Variants in IL1R1 observed in about 807,000 individuals in gnomAD.
IL1R1 encodes interleukin 1 receptor type 1, also known as interleukin-1 receptor type 1.
A neutral mutation model predicts 50.2 loss-of-function variants in IL1R1; 22 were observed. The ratio of observed to expected loss-of-function variants is 0.44; its 90% CI spans 0.31 to 0.63. The LOEUF is 0.63. Among genes scored for constraint, IL1R1 ranks in the 20% least tolerant of loss-of-function variants. The pLI is 0.07. For synonymous variants in IL1R1, 251 were observed against 236.7 expected (o/e 1.06, Z -0.55); for missense variants, 509 against 676.2 (o/e 0.75, Z 2.74).
rs1478607614 is a variant in IL1R1, at chr2:102,153,991, T to G, written c.-33T>G. The G allele has an allele frequency of 1.3e-5, 2 of 152,382 alleles. No homozygotes were observed. Among genetic ancestry groups the G allele is most frequent in the Non-Finnish European group, 2.9e-5 (2 of 68,034 alleles). 9.4% of individuals were successfully genotyped at this position (152,382 alleles called of 1,614,324 possible). ...ACTCCCTCCTGAGAAGCTGGACCCC[T>G]TGGTAAAAGACAAGGCCTTCTCCAA... is the stretch of plus-strand genomic sequence containing the variant. On this transcript the variant is annotated 5_prime_UTR_variant, in exon 2 of 12. Coordinates refer to ENST00000410023, the MANE Select transcript of IL1R1 (RefSeq NM_000877.4).
chr2:102,168,710 T>TTAA, intron 7 of IL1R1, 47 bp downstream of exon 7: 3 of 1,241,120 alleles, frequency 2.4e-6, no homozygotes, highest in Non-Finnish European at 1.2e-6. Context: ...TTTTTTTTTT[T>TTAA]AAAACATAAG....
intron 1 of IL1R1, among the ~76,000 whole-genome samples, chr2:102,122,856 A>G (rs1331336457): frequency 6.6e-6 from 1 of 152,200 alleles, no homozygotes; most frequent in Non-Finnish European, 1.5e-5. Flanking sequence ...TCCATCTATA[A>G]CACATATGCA....
intron 1 of IL1R1, among the ~76,000 whole-genome samples, chr2:102,086,769 TTA>T (rs1252965823): frequency 1.3e-5 from 2 of 152,218 alleles, no homozygotes; most frequent in African/African-American, 4.8e-5. Flanking sequence ...CTCAAAGATT[TTA>T]TATTTGTTCA....
intron 1 of IL1R1, among the ~76,000 whole-genome samples, chr2:102,121,210 A>T (rs141033361): frequency 9.3e-4 from 142 of 152,282 alleles, no homozygotes; most frequent in African/African-American, 3.1e-3. Context: ...CCCGGTGCTG[A>T]CCACCATGGA....
At chr2:102,085,260 T>G (rs1374219619) in intron 1 of IL1R1, among the ~76,000 whole-genome samples, 2 of 152,210 alleles carry the variant, frequency 1.3e-5, no homozygotes, top group Non-Finnish European at 2.9e-5. Context: ...TATTAGAATA[T>G]TTTGTGTCTG....
At chr2:102,139,793 A>T (rs1245080679), upstream of IL1R1, among the ~76,000 whole-genome samples, 2 of 152,258 alleles carry the variant, frequency 1.3e-5, no homozygotes, top group Non-Finnish European at 2.9e-5. Flanking sequence ...AGGCCTCCTC[A>T]GAAGCCCAAC....
intron 1 of IL1R1, among the ~76,000 whole-genome samples, chr2:102,077,025 A>G (rs1180023263): frequency 2.6e-5 from 4 of 151,624 alleles, no homozygotes; most frequent in Non-Finnish European, 2.9e-5. Flanking sequence ...GGTAGTTTCT[A>G]TTGCCATGTC....
intron 1 of IL1R1, among the ~76,000 whole-genome samples, chr2:102,107,380 A>T (rs945164676): frequency 6.6e-6 from 1 of 152,022 alleles, no homozygotes; most frequent in Non-Finnish European, 1.5e-5. Flanking sequence ...TCCTGAGCAA[A>T]CTATCACAAG....
intron 1 of IL1R1, among the ~76,000 whole-genome samples, chr2:102,086,686 C>A (rs890167082): frequency 6.6e-6 from 1 of 152,218 alleles, no homozygotes; most frequent in East Asian, 1.9e-4. Context: ...CTGGGAATCA[C>A]CTCGTAAATT....
At chr2:102,162,728 A>G (rs1204737387) in intron 3 of IL1R1, among the ~76,000 whole-genome samples, 1 of 151,754 alleles carries the variant, frequency 6.6e-6, no homozygotes, top group East Asian at 1.9e-4. Flanking sequence ...TTATTTCCAT[A>G]TATGTTACTT....
At chr2:102,129,878 T>C (rs1267069738) in intron 1 of IL1R1, among the ~76,000 whole-genome samples, 1 of 152,174 alleles carries the variant, frequency 6.6e-6, no homozygotes, top group Admixed American at 6.5e-5. Flanking sequence ...GTTAATTCTA[T>C]TGATATTAAG....
At chr2:102,093,174 C>A (rs1679754212) in intron 1 of IL1R1, among the ~76,000 whole-genome samples, 1 of 152,098 alleles carries the variant, frequency 6.6e-6, no homozygotes, top group Non-Finnish European at 1.5e-5. Context: ...ATGGCCAAAA[C>A]TCCCCAAGGT....
chr2:102,114,282 T>C (rs1483629057), intron 1 of IL1R1, among the ~76,000 whole-genome samples: 1 of 152,246 alleles, frequency 6.6e-6, no homozygotes, highest in African/African-American at 2.4e-5. Flanking sequence ...ACTTGGTAGA[T>C]GTTTCTCTGG....
chr2:102,171,945 T>A (rs188332067), intron 8 of IL1R1, 27 bp downstream of exon 8: 1 of 1,277,984 alleles, frequency 7.8e-7, no homozygotes, highest in Non-Finnish European at 1.1e-6. Context: ...TTATTCACAT[T>A]TTGGTGTTAA....
At chr2:102,076,614 G>A (rs755591222) in intron 1 of IL1R1, among the ~76,000 whole-genome samples, 9 of 152,060 alleles carry the variant, frequency 5.9e-5, no homozygotes, top group Non-Finnish European at 1.3e-4. Context: ...ATTTCTTTTA[G>A]CCCTTTAAAG....
chr2:102,087,974 A>G (rs938751727), intron 1 of IL1R1, among the ~76,000 whole-genome samples: 2 of 152,208 alleles, frequency 1.3e-5, no homozygotes, highest in African/African-American at 4.8e-5. Context: ...GACTGCAGCA[A>G]TTGATTCCAC....
intron 6 of IL1R1, among the ~76,000 whole-genome samples, chr2:102,167,308 A>G (rs1370514263): frequency 6.6e-6 from 1 of 152,146 alleles, no homozygotes; most frequent in Non-Finnish European, 1.5e-5. Context: ...CTTTGTATCA[A>G]ACCATGTTCT....
At chr2:102,133,524 A>G (rs1682162543) in intron 1 of IL1R1, among the ~76,000 whole-genome samples, 3 of 152,198 alleles carry the variant, frequency 2.0e-5, no homozygotes, top group African/African-American at 7.2e-5. Flanking sequence ...ATAGTAGTAA[A>G]TCAAATCCAA....
At chr2:102,176,280 G>C in intron 11 of IL1R1, 73 bp from the exon 12 acceptor site, 1 of 1,350,516 alleles carries the variant, frequency 7.4e-7, no homozygotes, top group Non-Finnish European at 1.0e-6. Context: ...GAAAAGCCTT[G>C]TGTGGCTTTG....
Sources: allele counts gnomAD v4.1 joint callset (sites outside exome capture counted in the v4.1 genomes callset), GRCh38; gene constraint gnomAD v4.1.1; transcripts MANE v1.5; gene names NCBI Gene and HGNC (gene_info 2026-07-23, HGNC 2026-07-21).